RELN: variants seen among roughly 807,000 people sequenced by gnomAD.
RELN encodes the protein reelin.
In RELN, 108 loss-of-function variants were observed where a neutral mutation model predicts 427.6. That is an observed-to-expected ratio of 0.25 (90% CI 0.22 to 0.30). The LOEUF (loss-of-function observed/expected upper bound fraction) is 0.30. Among genes scored for constraint, RELN ranks in the 10% least tolerant of loss-of-function variants. The pLI is 1.00. For missense variants in RELN, 3,715 were observed against 4,302.8 expected (o/e 0.86, Z 3.82); for synonymous variants, 1,524 against 1,513.4 (o/e 1.01, Z -0.16).
intron 1 of RELN, among the ~76,000 whole-genome samples, chr7:103,962,630 T>C (rs543943477): frequency 1.4e-5 from 2 of 141,282 alleles, no homozygotes; most frequent in Admixed American, 7.1e-5. Flanking sequence ...CTGTTGGATT[T>C]TCCATTCCAA....
At chr7:103,839,447 G>T (rs1340143797) in intron 2 of RELN, among the ~76,000 whole-genome samples, 2 of 151,456 alleles carry the variant, frequency 1.3e-5, no homozygotes, top group Non-Finnish European at 2.9e-5. Flanking sequence ...CCAGCAAGAA[G>T]AAAATTATTT....
intron 33 of RELN, 37 bp from the exon 34 acceptor site, chr7:103,565,588 G>A (rs773716405): frequency 6.3e-6 from 10 of 1,597,438 alleles, no homozygotes; most frequent in South Asian, 2.2e-5. Flanking sequence ...GCATATATGT[G>A]TGCCATTTTC....
intron 1 of RELN, among the ~76,000 whole-genome samples, chr7:103,932,525 C>A (rs779285836): frequency 1.3e-5 from 2 of 152,142 alleles, no homozygotes; most frequent in Non-Finnish European, 2.9e-5. Context: ...TGCACGTGTA[C>A]CCCTGAACCT....
chr7:103,623,278 G>C (rs905529249), intron 20 of RELN, among the ~76,000 whole-genome samples: 2 of 152,218 alleles, frequency 1.3e-5, no homozygotes, highest in Non-Finnish European at 2.9e-5. Flanking sequence ...TCCTTCAGCA[G>C]TACAATTTTA....
intron 10 of RELN, among the ~76,000 whole-genome samples, chr7:103,683,940 C>G (rs1376685898): frequency 6.6e-6 from 1 of 152,166 alleles, no homozygotes; most frequent in Non-Finnish European, 1.5e-5. Flanking sequence ...CTCTGCTCCT[C>G]ACCATGCTAA....
chr7:103,958,413 A>T (rs956864587), intron 1 of RELN, among the ~76,000 whole-genome samples: 1 of 152,204 alleles, frequency 6.6e-6, no homozygotes, highest in Non-Finnish European at 1.5e-5. Context: ...AAGAGAGTCC[A>T]TGTGTACTGT....
chr7:103,753,038 C>T (rs1791046336), intron 5 of RELN, 144 bp downstream of exon 5: 10 of 810,982 alleles, frequency 1.2e-5, no homozygotes, highest in East Asian at 1.0e-4. Flanking sequence ...AAGTATAATC[C>T]GTACCCAAGT....
chr7:103,666,638 A>G (rs1191608882), intron 11 of RELN, among the ~76,000 whole-genome samples: 3 of 152,176 alleles, frequency 2.0e-5, no homozygotes, highest in Admixed American at 6.5e-5. Flanking sequence ...CACTTTGTGT[A>G]GAAGAAATAT....
intron 4 of RELN, among the ~76,000 whole-genome samples, chr7:103,757,236 C>T (rs1198382641): frequency 6.6e-6 from 1 of 152,092 alleles, no homozygotes; most frequent in African/African-American, 2.4e-5. Context: ...ATGTAAAATG[C>T]ATGCTTGCTA....
At chr7:103,694,296 C>G (rs1833932253) in intron 10 of RELN, among the ~76,000 whole-genome samples, 1 of 152,150 alleles carries the variant, frequency 6.6e-6, no homozygotes, top group Non-Finnish European at 1.5e-5. Flanking sequence ...TATGTGGCAA[C>G]TGAGAGCAAG....
intron 2 of RELN, among the ~76,000 whole-genome samples, chr7:103,868,081 T>C (rs1022459993): frequency 1.3e-5 from 2 of 152,186 alleles, no homozygotes; most frequent in Non-Finnish European, 2.9e-5. Flanking sequence ...GCCACCTCCA[T>C]GCATAATTGG....
intron 1 of RELN, among the ~76,000 whole-genome samples, chr7:103,938,463 TATTTTA>T (rs1228134012): frequency 6.6e-6 from 1 of 152,204 alleles, no homozygotes; most frequent in Non-Finnish European, 1.5e-5. Flanking sequence ...ATATAATTTT[TATTTTA>T]ATTTTACTTA....
At chr7:103,564,569 C>A (rs1431127770) in intron 34 of RELN, among the ~76,000 whole-genome samples, 1 of 152,170 alleles carries the variant, frequency 6.6e-6, no homozygotes, top group Non-Finnish European at 1.5e-5. Flanking sequence ...GGGGGAGGAA[C>A]ACCCTGATTT....
intron 1 of RELN, among the ~76,000 whole-genome samples, chr7:103,942,913 G>GAA (rs56880205): frequency 0.019 from 2,774 of 148,082 alleles, 65 homozygotes; most frequent in African/African-American, 0.062. Context: ...CTCCATCTCA[G>GAA]AAAAAAAAAA....
intron 1 of RELN, among the ~76,000 whole-genome samples, chr7:103,924,638 T>A (rs1795685864): frequency 6.6e-6 from 1 of 152,064 alleles, no homozygotes; most frequent in African/African-American, 2.4e-5. Context: ...GGGTACAGCA[T>A]CTCTGTGGAA....
chr7:103,677,493 C>T lies in RELN; in HGVS notation c.1289+4623G>A, dbSNP rs575900081. Among the ~76,000 whole-genome samples, 38 of 147,210 alleles carry T rather than the reference C, an allele frequency of 2.6e-4. 1 individual carries two copies. In the East Asian group the frequency reaches 6.5e-3, roughly 25 times the overall value. The stretch of plus-strand genomic sequence containing the variant: ...AGTTGTTCTTAGTGAGGGCCGGGCA[C>T]GGTGGCTCATGCCTGTAATCCCAGC... On this transcript the variant is annotated intron_variant, in intron 11 of 64. Transcript: ENST00000428762.
In RELN at chr7:103,519,305, A is replaced by G; in HGVS notation, c.7862+18T>C. The G allele has an allele frequency of 6.3e-7, 1 of 1,587,976 alleles. No homozygotes were observed. Reference sequence around the variant, plus strand: ...CTGCTCGATGTACTCGTTATTAGATATCAAATCGAATACAAACCCGGGCTT... The same window carrying G: ...CTGCTCGATGTACTCGTTATTAGATGTCAAATCGAATACAAACCCGGGCTT... On this transcript the variant is annotated intron_variant, in intron 49 of 64. Coordinates refer to ENST00000428762, the MANE Select transcript of RELN (RefSeq NM_005045.4).
At chr7:103,508,954 G>C (rs1386998439) in intron 51 of RELN, among the ~76,000 whole-genome samples, 1 of 152,162 alleles carries the variant, frequency 6.6e-6, no homozygotes, top group Non-Finnish European at 1.5e-5. Flanking sequence ...GGATGTGAAG[G>C]ACCTCTTCAA....
intron 2 of RELN, among the ~76,000 whole-genome samples, chr7:103,867,032 G>A (rs1794216950): frequency 6.6e-6 from 1 of 152,046 alleles, no homozygotes; most frequent in Non-Finnish European, 1.5e-5. Flanking sequence ...TTAAAATTAA[G>A]TAACCCTAAC....
Sources: allele counts gnomAD v4.1 joint callset (sites outside exome capture counted in the v4.1 genomes callset), GRCh38; gene constraint gnomAD v4.1.1; transcripts MANE v1.5; gene names NCBI Gene and HGNC (gene_info 2026-07-23, HGNC 2026-07-21).